Variants in DLC1 observed in about 807,000 individuals in gnomAD.
DLC1 encodes the protein DLC1 Rho GTPase activating protein, also known as rho GTPase-activating protein 7.
DLC1 carries 54 observed loss-of-function variants against 140.3 expected under a neutral mutation model. That is an observed-to-expected ratio of 0.38 (90% CI 0.31 to 0.48). The LOEUF (loss-of-function observed/expected upper bound fraction) is 0.48. Ranked by LOEUF, DLC1 falls within the 20% of genes least tolerant of loss-of-function variation. DLC1 has a pLI of 0.96. For missense variants in DLC1, 2,536 were observed against 1,907.0 expected (o/e 1.33, Z -6.14); for synonymous variants, 986 against 728.1 (o/e 1.35, Z -5.70).
chr8:13,512,119 T>G (rs1186275125), intron 1 of DLC1, among the ~76,000 whole-genome samples: 2 of 152,126 alleles, frequency 1.3e-5, no homozygotes, highest in African/African-American at 2.4e-5. Context: ...GGCCACCACT[T>G]TACTGCACTT....
chr8:13,110,725 A>C lies in DLC1; in HGVS notation c.1502+17T>G. The C allele has an allele frequency of 6.2e-7, 1 of 1,610,212 alleles. No individual in the cohort carries two copies. Among genetic ancestry groups the C allele is most frequent in the African/African-American group, 1.3e-5 (1 of 74,934 alleles). On this transcript the variant is annotated intron_variant, in intron 7 of 17. Coordinates refer to ENST00000276297, the MANE Select transcript of DLC1 (RefSeq NM_182643.3). Reference sequence around the variant, plus strand: ...TAAAAAATAAAAAAGGAAAACACTCAAAACGTGTCCATTTACCTGCATAGA... The same window carrying C: ...TAAAAAATAAAAAAGGAAAACACTCCAAACGTGTCCATTTACCTGCATAGA...
At chr8:13,455,087 G>A (rs769942053) in intron 2 of DLC1, among the ~76,000 whole-genome samples, 1 of 152,020 alleles carries the variant, frequency 6.6e-6, no homozygotes, top group Non-Finnish European at 1.5e-5. Flanking sequence ...TAGATAAGAG[G>A]TGTGAAATGA....
At chr8:13,184,453 T>C (rs1826227961) in intron 5 of DLC1, among the ~76,000 whole-genome samples, 1 of 152,218 alleles carries the variant, frequency 6.6e-6, no homozygotes, top group Non-Finnish European at 1.5e-5. Context: ...GAAATTTCCC[T>C]CTACACTCTG....
rs554227201 is a variant in DLC1, at chr8:13,219,300, A to G, written c.1348+85969T>C. 7.0e-3 allele frequency among the ~76,000 whole-genome samples: 987 copies of G among 140,826 alleles called. 10 individuals are homozygous for G. The highest frequency in any genetic ancestry group is 0.011 in the Non-Finnish European group (723 of 65,994). 92.4% of individuals were successfully genotyped at this position (140,826 alleles called of 152,430 possible). A position where few individuals can be genotyped will look rare whatever the true frequency, so the allele number is the denominator to read the frequency against. ...AATATGAATATAATTATATAGTTAT[A>G]TTCTTAAATATGAATAGTTATATTC... is the stretch of plus-strand genomic sequence containing the variant. On this transcript the variant is annotated intron_variant, in intron 5 of 17. Coordinates refer to ENST00000276297, the MANE Select transcript of DLC1 (RefSeq NM_182643.3).
chr8:13,531,756 A>G (rs1378354881), intron 1 of DLC1, among the ~76,000 whole-genome samples: 2 of 152,220 alleles, frequency 1.3e-5, no homozygotes, highest in Admixed American at 1.3e-4. Flanking sequence ...CCAAATAAAT[A>G]TCAGTGCTAT....
At chr8:13,143,742 G>A (rs1037494394) in intron 5 of DLC1, among the ~76,000 whole-genome samples, 1 of 151,054 alleles carries the variant, frequency 6.6e-6, no homozygotes, top group South Asian at 2.1e-4. Context: ...TAATCATTCT[G>A]GCGTCTTTGG....
intron 1 of DLC1, among the ~76,000 whole-genome samples, chr8:13,580,913 A>G (rs780148559): frequency 1.1e-4 from 17 of 152,150 alleles, no homozygotes; most frequent in Admixed American, 3.3e-4. Context: ...AGGATGGGTG[A>G]GGGCTCCCCA....
intron 1 of DLC1, among the ~76,000 whole-genome samples, chr8:13,563,795 C>T (rs894082494): frequency 6.6e-6 from 1 of 152,108 alleles, no homozygotes; most frequent in Non-Finnish European, 1.5e-5. Flanking sequence ...ACTAGAAATA[C>T]CTTGCATCTG....
chr8:13,228,428 T>A (rs1324376591), intron 5 of DLC1, among the ~76,000 whole-genome samples: 1 of 152,058 alleles, frequency 6.6e-6, no homozygotes, highest in Non-Finnish European at 1.5e-5. Flanking sequence ...AACTCAATTA[T>A]AAAAAGACAA....
chr8:13,351,793 A>G (rs931978560), intron 4 of DLC1, among the ~76,000 whole-genome samples: 3 of 152,248 alleles, frequency 2.0e-5, no homozygotes, highest in African/African-American at 4.8e-5. Context: ...CTATGTTCTG[A>G]CACACTTCTC....
chr8:13,270,064 A>G (rs1389607236), intron 5 of DLC1, among the ~76,000 whole-genome samples: 1 of 152,030 alleles, frequency 6.6e-6, no homozygotes, highest in African/African-American at 2.4e-5. Context: ...CTCAAAAAAA[A>G]AAAAAAAAGA....
rs184287858 is a variant in DLC1 at position 13,404,735 on chromosome 8, C to T, written c.1024-3116G>A. Reference sequence around the variant, plus strand: ...CTTCTGGGCCAGGCATGGTGGCTCACGCCTATAATCCTAGCATTTTGGGAG... The same window carrying T: ...CTTCTGGGCCAGGCATGGTGGCTCATGCCTATAATCCTAGCATTTTGGGAG... On this transcript the variant is annotated intron_variant, in intron 2 of 17. Coordinates refer to ENST00000276297, the MANE Select transcript of DLC1 (RefSeq NM_182643.3). Among the ~76,000 whole-genome samples, 38 of 152,108 alleles carry T rather than the reference C, an allele frequency of 2.5e-4. No homozygotes were observed. The East Asian group carries it at 5.0e-3, about 20-fold the overall frequency.
intron 1 of DLC1, among the ~76,000 whole-genome samples, chr8:13,591,127 C>T (rs1323861973): frequency 6.6e-6 from 1 of 151,926 alleles, no homozygotes; most frequent in Non-Finnish European, 1.5e-5. Context: ...GTGAATTTTT[C>T]CTCAAAGTGT....
chr8:13,201,328 ATAAAAAT>A (rs1356108594), intron 5 of DLC1, among the ~76,000 whole-genome samples: 1 of 152,218 alleles, frequency 6.6e-6, no homozygotes, highest in African/African-American at 2.4e-5. Context: ...GCATGTAATA[ATAAAAAT>A]TAAAATATTC....
At chr8:13,349,961 CT>C (rs1834558596) in intron 4 of DLC1, among the ~76,000 whole-genome samples, 1 of 152,176 alleles carries the variant, frequency 6.6e-6, no homozygotes, top group East Asian at 1.9e-4. Flanking sequence ...CTGAGACCAG[CT>C]TTTCCATACA....
chr8:13,371,397 GTC>G (rs1835721348), intron 4 of DLC1, among the ~76,000 whole-genome samples: 2 of 152,032 alleles, frequency 1.3e-5, no homozygotes, highest in East Asian at 3.9e-4. Context: ...CTCTGTCTCT[GTC>G]TCTCTCACTC....
chr8:13,567,005 C>T (rs1351490270), intron 1 of DLC1: 1 of 1,548,228 alleles, frequency 6.5e-7, no homozygotes, highest in East Asian at 2.4e-5. Flanking sequence ...GCCATCTGCC[C>T]AGAATTGGCC....
At chr8:13,413,087 G>A (rs1420665136) in intron 2 of DLC1, among the ~76,000 whole-genome samples, 1 of 151,898 alleles carries the variant, frequency 6.6e-6, no homozygotes, top group African/African-American at 2.4e-5. Flanking sequence ...AACAGTACTT[G>A]GGACCCTGCT....
chr8:13,240,271 A>C (rs1340103565), intron 5 of DLC1, among the ~76,000 whole-genome samples: 4 of 152,238 alleles, frequency 2.6e-5, no homozygotes, highest in Non-Finnish European at 5.9e-5. Flanking sequence ...GATTTAGCCC[A>C]GATTCAAAGG....
Sources: allele counts gnomAD v4.1 joint callset (sites outside exome capture counted in the v4.1 genomes callset), GRCh38; gene constraint gnomAD v4.1.1; transcripts MANE v1.5; gene names NCBI Gene and HGNC (gene_info 2026-07-23, HGNC 2026-07-21).